Variants in IL1RAPL2 observed in about 807,000 individuals in gnomAD.
IL1RAPL2 encodes interleukin 1 receptor accessory protein like 2.
Under a neutral mutation model 44.1 loss-of-function variants are expected in IL1RAPL2, and 3 were observed. The observed-to-expected ratio is 0.07, with a 90% CI of 0.03 to 0.18. The LOEUF is 0.18. Ranked by LOEUF, IL1RAPL2 falls within the 10% of genes least tolerant of loss-of-function variation. The probability of loss-of-function intolerance (pLI) is 1.00; values close to 1 mark genes in which losing one functional copy is unlikely to be tolerated. For missense variants in IL1RAPL2, 391 were observed against 496.4 expected (o/e 0.79, Z 2.02); for synonymous variants, 181 against 178.8 (o/e 1.01, Z -0.10).
intron 2 of IL1RAPL2, among the ~76,000 whole-genome samples, chrX:104,959,539 T>C (rs1478759181): frequency 8.9e-6 from 1 of 111,746 alleles, no homozygotes; most frequent in Non-Finnish European, 1.9e-5. Flanking sequence ...AGACTTTTTT[T>C]CTAAGGGCTG....
chrX:104,979,390 A>C, intron 2 of IL1RAPL2, among the ~76,000 whole-genome samples: 1 of 111,632 alleles, frequency 9.0e-6, no homozygotes, highest in Admixed American at 9.6e-5. Flanking sequence ...ATCTTGGCAT[A>C]TAAAATACCT....
rs756585085 is a variant in IL1RAPL2, at chrX:105,484,298, C to G, written c.698-15C>G. On this transcript the variant is annotated splice_polypyrimidine_tract_variant and intron_variant, in intron 5 of 10. Transcript: ENST00000372582. ...TCTCAATTTTTCCATTACTTTCTTTCATTTTCTCTTCTAGCTTTACTCACA... is the reference window on the plus strand; with the variant it reads ...TCTCAATTTTTCCATTACTTTCTTTGATTTTCTCTTCTAGCTTTACTCACA... 2 of 1,158,674 alleles carry G rather than the reference C, an allele frequency of 1.7e-6. No homozygotes were observed. Among genetic ancestry groups the G allele is most frequent in the Middle Eastern group, 2.4e-4 (1 of 4,206 alleles).
chrX:104,600,679 T>G (rs5917104), intron 1 of IL1RAPL2, among the ~76,000 whole-genome samples: 58,125 of 109,360 alleles, frequency 0.53, 12,162 homozygotes, highest in African/African-American at 0.76. Flanking sequence ...TCCCTCTGCC[T>G]TCTAGTAGTC....
intron 6 of IL1RAPL2, among the ~76,000 whole-genome samples, chrX:105,500,072 C>T (rs979895512): frequency 2.7e-5 from 3 of 111,234 alleles, no homozygotes; most frequent in Non-Finnish European, 1.9e-5. Flanking sequence ...TGAAATAAGC[C>T]GGTCACAGAA....
At chrX:105,368,898 C>T (rs1197434963) in intron 5 of IL1RAPL2, among the ~76,000 whole-genome samples, 2 of 109,688 alleles carry the variant, frequency 1.8e-5, no homozygotes, top group Admixed American at 9.9e-5. Context: ...TTTTGCTTCT[C>T]AGATTGGATA....
intron 9 of IL1RAPL2, among the ~76,000 whole-genome samples, chrX:105,751,190 G>C (rs912781684): frequency 4.0e-4 from 44 of 110,423 alleles, no homozygotes; most frequent in Middle Eastern, 4.6e-3. Flanking sequence ...CAAGAGAATC[G>C]CTTGAATCCA....
intron 2 of IL1RAPL2, among the ~76,000 whole-genome samples, chrX:104,826,752 T>G (rs1395001719): frequency 9.1e-6 from 1 of 110,224 alleles, no homozygotes; most frequent in Non-Finnish European, 1.9e-5. Flanking sequence ...TCTAAGTCTC[T>G]TTGTAGGTCT....
intron 5 of IL1RAPL2, among the ~76,000 whole-genome samples, chrX:105,413,753 T>TA (rs1179023764): frequency 2.7e-5 from 3 of 112,328 alleles, no homozygotes; most frequent in Non-Finnish European, 5.6e-5. Flanking sequence ...ATTTATTCTC[T>TA]ACTCAGCAGC....
intron 5 of IL1RAPL2, among the ~76,000 whole-genome samples, chrX:105,337,764 G>A (rs779274193): frequency 1.2e-4 from 13 of 110,804 alleles, no homozygotes; most frequent in South Asian, 3.9e-4. Flanking sequence ...GGTGGCGGGC[G>A]CCTGTAGTCC....
rs760094912 is a variant in IL1RAPL2, at chrX:105,674,485, G to A, written c.773-42882G>A. On this transcript the variant is annotated intron_variant, in intron 6 of 10. Coordinates refer to ENST00000372582, the MANE Select transcript of IL1RAPL2 (RefSeq NM_017416.2). The stretch of plus-strand genomic sequence containing the variant: ...TCAAAGATCAGATGGTTGTACATGC[G>A]CAATCTTATTTCTGAGTTCTCTTCT... Among the ~76,000 whole-genome samples, 12 of 111,362 alleles carry A rather than the reference G, an allele frequency of 1.1e-4. No homozygotes were observed. In the East Asian group the frequency reaches 2.0e-3, roughly 18 times the overall value.
intron 2 of IL1RAPL2, among the ~76,000 whole-genome samples, chrX:104,870,642 A>T: frequency 9.0e-6 from 1 of 111,019 alleles, no homozygotes; most frequent in East Asian, 2.8e-4. Context: ...TCCCCACCAT[A>T]CCCTGCATTC....
intron 1 of IL1RAPL2, among the ~76,000 whole-genome samples, chrX:104,650,622 A>G (rs1930135527): frequency 9.0e-6 from 1 of 111,358 alleles, no homozygotes; most frequent in African/African-American, 3.3e-5. Flanking sequence ...AATCTGAATC[A>G]CCTACTGAAC....
chrX:104,866,467 A>G (rs1922617872), intron 2 of IL1RAPL2, among the ~76,000 whole-genome samples: 1 of 112,354 alleles, frequency 8.9e-6, no homozygotes, highest in Non-Finnish European at 1.9e-5. Context: ...CAAATTTGGC[A>G]TACCACCTCT....
chrX:104,914,770 G>A (rs1175336298), intron 2 of IL1RAPL2, among the ~76,000 whole-genome samples: 1 of 109,557 alleles, frequency 9.1e-6, no homozygotes, highest in Non-Finnish European at 1.9e-5. Flanking sequence ...CTGTGTCCAT[G>A]TGTTCTCATC....
At chrX:105,200,629 T>G (rs1259864555) in intron 3 of IL1RAPL2, among the ~76,000 whole-genome samples, 2 of 112,179 alleles carry the variant, frequency 1.8e-5, no homozygotes, top group Non-Finnish European at 3.8e-5. Flanking sequence ...AAAGAATGAT[T>G]GGCCAGGTGC....
chrX:105,139,481 G>A (rs1279837309), intron 2 of IL1RAPL2, among the ~76,000 whole-genome samples: 1 of 111,617 alleles, frequency 9.0e-6, no homozygotes, highest in Non-Finnish European at 1.9e-5. Context: ...GGATGCTAAA[G>A]CAAAGTACCA....
intron 5 of IL1RAPL2, among the ~76,000 whole-genome samples, chrX:105,281,805 T>G (rs2147664124): frequency 9.0e-6 from 1 of 111,656 alleles, no homozygotes; most frequent in South Asian, 3.8e-4. Flanking sequence ...TCAAAATGTA[T>G]TCCCATTGTT....
intron 2 of IL1RAPL2, among the ~76,000 whole-genome samples, chrX:105,039,681 A>G (rs868548059): frequency 0.02 from 2,183 of 111,146 alleles, 21 homozygotes; most frequent in Non-Finnish European, 0.03. Flanking sequence ...TTGGATCTCT[A>G]TCTGTTATCG....
intron 6 of IL1RAPL2, among the ~76,000 whole-genome samples, chrX:105,556,494 T>C (rs910784316): frequency 2.7e-5 from 3 of 111,243 alleles, no homozygotes; most frequent in South Asian, 3.7e-4. Flanking sequence ...ACACAGCCTA[T>C]ACTCAACACC....
Sources: gnomAD v4.1 joint callset for allele counts (sites outside exome capture counted in the v4.1 genomes callset) on GRCh38, gnomAD v4.1.1 for gene constraint, MANE v1.5 for transcripts, NCBI Gene and HGNC (gene_info 2026-07-23, HGNC 2026-07-21) for gene names.